The following EDARADD variants were observed in gnomAD, a reference collection of about 807,000 sequenced individuals.
EDARADD encodes ectodysplasin-A receptor-associated adapter protein.
In EDARADD, 20 loss-of-function variants were observed where a neutral mutation model predicts 25.6. The ratio of observed to expected loss-of-function variants is 0.78; its 90% CI spans 0.55 to 1.14. The LOEUF is 1.14. Ranked by LOEUF, EDARADD falls within the 50% of genes most tolerant of loss-of-function variation. EDARADD has a pLI of 0.00. For synonymous variants in EDARADD, 86 were observed against 94.4 expected, an observed-to-expected ratio of 0.91 and a Z score of 0.52; for missense variants, 225 against 270.1, an observed-to-expected ratio of 0.83 and a Z score of 1.17.
intron 2 of EDARADD, among the ~76,000 whole-genome samples, chr1:236,411,990 T>G (rs1183962664): frequency 6.6e-6 from 1 of 152,172 alleles, no homozygotes; most frequent in East Asian, 1.9e-4. Flanking sequence ...CTTCAACACA[T>G]CTGGTTTGGG....
intron 4 of EDARADD, among the ~76,000 whole-genome samples, chr1:236,465,281 A>C (rs142951292): frequency 1.3e-5 from 2 of 152,166 alleles, no homozygotes; most frequent in Admixed American, 6.5e-5. Context: ...ACCCTGCTTC[A>C]GGCGAGAGCC....
intron 3 of EDARADD, among the ~76,000 whole-genome samples, chr1:236,357,334 G>C (rs1050078834): frequency 8.5e-5 from 13 of 152,122 alleles, no homozygotes; most frequent in African/African-American, 2.4e-4. Flanking sequence ...TTTCTATAAA[G>C]GAATGCCTGA....
chr1:236,430,092 G>A (rs968117147), intron 4 of EDARADD, among the ~76,000 whole-genome samples: 4 of 152,170 alleles, frequency 2.6e-5, no homozygotes, highest in African/African-American at 9.7e-5. Context: ...GATAAAATAA[G>A]CAGTTTAAAT....
chr1:236,480,881 A>G (rs994363592), intron 5 of EDARADD, among the ~76,000 whole-genome samples: 5 of 152,354 alleles, frequency 3.3e-5, no homozygotes, highest in South Asian at 4.1e-4. Flanking sequence ...CAGTAGAAAG[A>G]TGGCCCTTCC....
chr1:236,412,343 C>T (rs1391779706), intron 2 of EDARADD, among the ~76,000 whole-genome samples: 1 of 152,198 alleles, frequency 6.6e-6, no homozygotes. Flanking sequence ...CCCTATTTGC[C>T]ATCTCAGAGA....
chr1:236,480,536 C>T (rs954137843), intron 5 of EDARADD, among the ~76,000 whole-genome samples: 1 of 152,046 alleles, frequency 6.6e-6, no homozygotes, highest in Non-Finnish European at 1.5e-5. Context: ...TTATGATCAC[C>T]AGAGTTACTC....
chr1:236,389,140 A>G (rs968076019), intron 3 of EDARADD, among the ~76,000 whole-genome samples: 8 of 152,228 alleles, frequency 5.3e-5, no homozygotes, highest in African/African-American at 1.7e-4. Flanking sequence ...ATTCACTAAA[A>G]AAGCAGCTGG....
In EDARADD at chr1:236,457,105, T is replaced by C. The variant is rs113573413; in HGVS notation, c.220-11126T>C. Among the ~76,000 whole-genome samples, 78 of 152,302 alleles carry C rather than the reference T, an allele frequency of 5.1e-4. 2 individuals carry two copies. The highest frequency in any genetic ancestry group is 1.8e-3 in the African/African-American group (75 of 41,564). On this transcript the variant is annotated intron_variant, in intron 4 of 5. Coordinates refer to ENST00000334232, the MANE Select transcript of EDARADD (RefSeq NM_145861.4). ...CTATAGTGAAGTCTCCCAAAAATGA[T>C]ATTTTTTAAAAAAAGAAAAGCCATA...
intron 5 of EDARADD, among the ~76,000 whole-genome samples, chr1:236,481,551 C>G (rs1160453363): frequency 2.0e-5 from 3 of 149,130 alleles, no homozygotes; most frequent in Non-Finnish European, 4.4e-5. Context: ...TCACTTGAGT[C>G]TAGGAGTTCA....
intron 3 of EDARADD, among the ~76,000 whole-genome samples, chr1:236,375,393 C>T (rs200475348): frequency 1.3e-5 from 2 of 152,222 alleles, no homozygotes; most frequent in Admixed American, 6.5e-5. Flanking sequence ...CAGTGGCTCA[C>T]GCCTGTAATC....
At chr1:236,414,986 G>T (rs1657598841) in intron 3 of EDARADD, among the ~76,000 whole-genome samples, 1 of 152,314 alleles carries the variant, frequency 6.6e-6, no homozygotes, top group African/African-American at 2.4e-5. Context: ...CTTCTTCCAT[G>T]TTGGCTCCAT....
At chr1:236,376,470 A>G (rs1667227259) in intron 3 of EDARADD, among the ~76,000 whole-genome samples, 1 of 152,140 alleles carries the variant, frequency 6.6e-6, no homozygotes, top group Non-Finnish European at 1.5e-5. Flanking sequence ...TCTTTCAATA[A>G]CACTTTAAAA....
intron 3 of EDARADD, among the ~76,000 whole-genome samples, chr1:236,423,866 G>A (rs552330308): frequency 7.2e-5 from 11 of 152,262 alleles, no homozygotes; most frequent in South Asian, 6.2e-4. Flanking sequence ...AGCACTTTGC[G>A]AGGCCGAGGT....
intron 5 of EDARADD, 29 bp from the exon 6 acceptor site, chr1:236,482,238 C>T: frequency 9.3e-6 from 15 of 1,613,942 alleles, no homozygotes; most frequent in Non-Finnish European, 1.2e-5. Flanking sequence ...CTCTTGTTGA[C>T]CTGTGGACTA....
In EDARADD at chr1:236,425,514, T is replaced by G. The variant is rs183256023; in HGVS notation, c.161-1878T>G. Among the ~76,000 whole-genome samples, 39 of 152,120 alleles carry G rather than the reference T, an allele frequency of 2.6e-4. No individual in the cohort carries two copies. The East Asian group carries it at 7.3e-3, about 29-fold the overall frequency. On this transcript the variant is annotated intron_variant, in intron 3 of 5. Transcript: ENST00000334232. ...ACCGCCCCCGTGGCTGACCTGGGGA[T>G]GCACTTCACAAACAGTGCCTGTACA...
chr1:236,443,481 G>C (rs949975630), intron 4 of EDARADD, among the ~76,000 whole-genome samples: 51 of 152,220 alleles, frequency 3.4e-4, no homozygotes, highest in African/African-American at 1.2e-3. Context: ...GGAAGAAGTT[G>C]ATTCCAACGC....
intron 4 of EDARADD, among the ~76,000 whole-genome samples, chr1:236,432,039 A>G (rs1181397052): frequency 6.6e-6 from 1 of 152,202 alleles, no homozygotes; most frequent in African/African-American, 2.4e-5. Context: ...ATGTGTAAAC[A>G]ATTTCCATGA....
chr1:236,483,557 C>T lies in EDARADD; in HGVS notation c.*908C>T, dbSNP rs1659744506. ...CTGTTGAGAAGGGGGTTCCCCTGTA[C>T]CACCACATCGCCGACTTGTCTGGCA... On this transcript the variant is annotated 3_prime_UTR_variant, in exon 6 of 6. Coordinates refer to ENST00000334232, the MANE Select transcript of EDARADD (RefSeq NM_145861.4). 1.6e-6 allele frequency: 2 copies of T among 1,242,656 alleles called. No homozygotes were observed. The highest frequency in any genetic ancestry group is 1.7e-5 in the Admixed American group (1 of 59,154). 77.0% of individuals were successfully genotyped at this position (1,242,656 alleles called of 1,614,324 possible). A position where few individuals can be genotyped will look rare whatever the true frequency, so the allele number is the denominator to read the frequency against.
At chr1:236,390,535 A>G (rs1420279485), upstream of EDARADD, among the ~76,000 whole-genome samples, 1 of 152,218 alleles carries the variant, frequency 6.6e-6, no homozygotes, top group African/African-American at 2.4e-5. Context: ...CCTGGGGGAC[A>G]GAGCGAGACT....
Sources: allele counts gnomAD v4.1 joint callset (sites outside exome capture counted in the v4.1 genomes callset), GRCh38; gene constraint gnomAD v4.1.1; transcripts MANE v1.5; gene names NCBI Gene and HGNC (gene_info 2026-07-23, HGNC 2026-07-21).